POLR2F: variants seen among roughly 807,000 people sequenced by gnomAD.
POLR2F encodes the protein RNA polymerase II, I and III subunit F.
POLR2F carries 12 observed loss-of-function variants against 22.7 expected under a neutral mutation model. The observed-to-expected ratio is 0.53, with a 90% CI of 0.34 to 0.86. The LOEUF (loss-of-function observed/expected upper bound fraction) is 0.86, where lower values mean the gene tolerates loss of function less well. Among genes scored for constraint, POLR2F ranks in the 40% least tolerant of loss-of-function variants. The probability of loss-of-function intolerance (pLI) is 0.02; values close to 1 mark genes in which losing one functional copy is unlikely to be tolerated. For synonymous variants in POLR2F, 57 were observed against 66.0 expected, an observed-to-expected ratio of 0.86 and a Z score of 0.66; for missense variants, 126 against 171.5, an observed-to-expected ratio of 0.73 and a Z score of 1.48.
intron 1 of POLR2F, among the ~76,000 whole-genome samples, chr22:38,024,812 C>G (rs961688333): frequency 3.3e-5 from 5 of 152,046 alleles, no homozygotes; most frequent in African/African-American, 1.2e-4. Flanking sequence ...GAGACTCTGC[C>G]TGCTCCTACA....
chr22:38,026,255 C>T (rs758790873), intron 2 of POLR2F: 1 of 533,270 alleles, frequency 1.9e-6, no homozygotes, highest in South Asian at 1.4e-5. Flanking sequence ...CAATTTCCCT[C>T]TCTTTCCCTC....
chr22:37,990,139 AG>A (rs1932694073), intron 1 of POLR2F, among the ~76,000 whole-genome samples: 1 of 152,094 alleles, frequency 6.6e-6, no homozygotes, highest in African/African-American at 2.4e-5. Context: ...AGTTCCAAGG[AG>A]GAAAAGACCA....
intron 1 of POLR2F, among the ~76,000 whole-genome samples, chr22:38,005,191 G>T (rs1320606053): frequency 6.6e-6 from 1 of 152,238 alleles, no homozygotes; most frequent in African/African-American, 2.4e-5. Flanking sequence ...TGAGCACTCA[G>T]GAAGTGGTAG....
At chr22:37,970,306 AG>A (rs1226581438), downstream of POLR2F, among the ~76,000 whole-genome samples, 4 of 150,476 alleles carry the variant, frequency 2.7e-5, no homozygotes, top group Non-Finnish European at 4.4e-5. Context: ...AAAAAAAAAA[AG>A]AGTGGAGATA....
rs971098218 is a variant in POLR2F at position 37,956,093 on chromosome 22, C to CG, written c.21-671dup. On this transcript the variant is annotated intron_variant, in intron 1 of 4. Transcript: ENST00000442738. ...TTGTTTGTTTTTTGTTTTGCGGTGG[C>CG]GGGGGGGGGTTTTGAGACGGAGTTT... Among the ~76,000 whole-genome samples the CG allele has an allele frequency of 3.7e-3, 557 of 149,918 alleles. 2 individuals carry two copies. Among genetic ancestry groups the CG allele is most frequent in the African/African-American group, 0.012 (465 of 40,254 alleles).
chr22:38,025,682 C>G lies in POLR2F; in HGVS notation c.121-187C>G, dbSNP rs565576199. The G allele has an allele frequency of 5.9e-5, 92 of 1,547,840 alleles. 1 individual carries two copies. The South Asian group carries it at 1.1e-3, about 18-fold the overall frequency. Reference sequence around the variant, plus strand: ...CTCCCGCTGACTTCTCCCGACAGTCCTGCTGGGTGGATATCATCACCCCAT... The same window carrying G: ...CTCCCGCTGACTTCTCCCGACAGTCGTGCTGGGTGGATATCATCACCCCAT... On this transcript the variant is annotated intron_variant, in intron 1 of 2. Coordinates refer to the POLR2F transcript ENST00000333418.
At chr22:38,010,602 GTTTTTTTTTTT>G (rs1159353447) in intron 1 of POLR2F, among the ~76,000 whole-genome samples, 6 of 60,890 alleles carry the variant, frequency 9.9e-5, no homozygotes, top group East Asian at 5.0e-4. Context: ...AATTCCTTGT[GTTTTTTTTTTT>G]TTTTTTTTTT....
At chr22:37,981,710 C>G (rs375237207), upstream of POLR2F, among the ~76,000 whole-genome samples, 53 of 152,268 alleles carry the variant, frequency 3.5e-4, no homozygotes, top group African/African-American at 1.1e-3. Context: ...GCTCTTTGTC[C>G]CCTGGCACTA....
chr22:37,968,307 G>C lies in POLR2F; in HGVS notation c.*592G>C. 2 of 985,770 alleles carry C rather than the reference G, an allele frequency of 2.0e-6. No homozygotes were observed. The highest frequency in any genetic ancestry group is 2.4e-6 in the Non-Finnish European group (2 of 830,166). 61.1% of individuals were successfully genotyped at this position (985,770 alleles called of 1,614,324 possible). On this transcript the variant is annotated 3_prime_UTR_variant, in exon 5 of 5. Transcript: ENST00000442738. ...CAAGTCAGCAGCTGGAGCAAGGACC[G>C]AGCACCTGCCTACCCCTGCCCCCAT...
At chr22:37,967,593 C>T in intron 4 of POLR2F, 32 bp from the exon 5 acceptor site, 2 of 1,611,864 alleles carry the variant, frequency 1.2e-6, no homozygotes, top group Non-Finnish European at 1.7e-6. Context: ...GTCACCAGCC[C>T]TCATGTACTT....
chr22:37,981,276 C>T (rs529185676), upstream of POLR2F, among the ~76,000 whole-genome samples: 502 of 152,362 alleles, frequency 3.3e-3, 1 homozygote, highest in Admixed American at 5.1e-3. Context: ...AGCAATTGGC[C>T]AGCCCAGCCC....
At chr22:38,035,453 C>T (rs1208633720) in intron 5 of POLR2F, among the ~76,000 whole-genome samples, 1 of 152,224 alleles carries the variant, frequency 6.6e-6, no homozygotes, top group South Asian at 2.1e-4. Flanking sequence ...AATCAGGGGT[C>T]GCTCTCTTCC....
intron 5 of POLR2F, chr22:38,032,924 G>T: frequency 6.0e-6 from 1 of 167,090 alleles, no homozygotes. Context: ...GCTGCCTCTG[G>T]AATCCCTTAC....
chr22:37,999,388 C>T (rs1569176942), intron 1 of POLR2F, among the ~76,000 whole-genome samples: 1 of 152,190 alleles, frequency 6.6e-6, no homozygotes, highest in Non-Finnish European at 1.5e-5. Flanking sequence ...TCCTCGTCAG[C>T]TCAGGCCCCT....
chr22:37,978,162 A>G lies in POLR2F; in HGVS notation c.293+10992A>G. 1 of 1,519,534 alleles carries G rather than the reference A, an allele frequency of 6.6e-7. No individual in the cohort carries two copies. The highest frequency in any genetic ancestry group is 8.8e-7 in the Non-Finnish European group (1 of 1,134,356). The allele number at this position is 1,519,534 out of a possible 1,614,324, so 94.1% of individuals were successfully genotyped here. A position where few individuals can be genotyped will look rare whatever the true frequency, so the allele number is the denominator to read the frequency against. ...TGGGGTGTGGTGGGAGGCGGAGAGGACAGCAGAGGGGCTGGCGTGAATGCC... is the reference window on the plus strand; with the variant it reads ...TGGGGTGTGGTGGGAGGCGGAGAGGGCAGCAGAGGGGCTGGCGTGAATGCC... On this transcript the variant is annotated intron_variant, in intron 4 of 4. Coordinates refer to the POLR2F transcript ENST00000405557. This position sits in a 1 kb window ranked among gnomAD's most constrained non-coding sequence, Gnocchi z 5.0.
intron 1 of POLR2F, among the ~76,000 whole-genome samples, chr22:38,002,762 A>G (rs934260551): frequency 2.0e-5 from 3 of 150,562 alleles, no homozygotes; most frequent in Admixed American, 1.3e-4. Flanking sequence ...GTCTTGCTCT[A>G]TCGCCCAGGC....
intron 1 of POLR2F, among the ~76,000 whole-genome samples, chr22:37,993,637 C>T (rs965024190): frequency 6.6e-6 from 1 of 152,146 alleles, no homozygotes; most frequent in African/African-American, 2.4e-5. Flanking sequence ...AGCTAAGTAA[C>T]CTTCCCATGC....
At chr22:38,033,781 C>T (rs1192409618) in intron 5 of POLR2F, among the ~76,000 whole-genome samples, 1 of 152,178 alleles carries the variant, frequency 6.6e-6, no homozygotes, top group Non-Finnish European at 1.5e-5. Context: ...CCGCTGCCTG[C>T]CCCCCATGTG....
At chr22:37,966,171 AT>A (rs1931844378) in intron 3 of POLR2F, among the ~76,000 whole-genome samples, 1 of 152,258 alleles carries the variant, frequency 6.6e-6, no homozygotes, top group South Asian at 2.1e-4. Flanking sequence ...GGGTGGAGAC[AT>A]CTGAACCTCT....
Sources: gnomAD v4.1 joint callset for allele counts (sites outside exome capture counted in the v4.1 genomes callset) on GRCh38, gnomAD v4.1.1 for gene constraint, Gnocchi (gnomAD v3.1) non-coding constraint, MANE v1.5 for transcripts, NCBI Gene and HGNC (gene_info 2026-07-23, HGNC 2026-07-21) for gene names.